RNF38: variants seen among roughly 807,000 people sequenced by gnomAD.
RNF38 encodes ring finger protein 38, also known as E3 ubiquitin-protein ligase RNF38.
RNF38 carries 15 observed loss-of-function variants against 67.2 expected under a neutral mutation model. The ratio of observed to expected loss-of-function variants is 0.22; its 90% CI spans 0.15 to 0.34. The LOEUF is 0.34. RNF38 is among the 10% of genes least tolerant of loss of function. RNF38 has a pLI of 1.00. For missense variants in RNF38, 524 were observed against 639.9 expected, an observed-to-expected ratio of 0.82 and a Z score of 1.95; for synonymous variants, 220 against 218.8, an observed-to-expected ratio of 1.01 and a Z score of -0.05.
chr9:36,393,729 TCCTGGGTGAG>T (rs1224409725), intron 1 of RNF38, among the ~76,000 whole-genome samples: 1 of 152,128 alleles, frequency 6.6e-6, no homozygotes, highest in African/African-American at 2.4e-5. Flanking sequence ...AGACAGATTA[TCCTGGGTGAG>T]CCTGGGCATG....
At chr9:36,394,556 T>C (rs1490128567) in intron 1 of RNF38, among the ~76,000 whole-genome samples, 1 of 152,196 alleles carries the variant, frequency 6.6e-6, no homozygotes, top group East Asian at 1.9e-4. Context: ...ATTTAAGCAG[T>C]ATAGCAGGTT....
At chr9:36,369,957 T>C in intron 3 of RNF38, 25 bp from the exon 4 acceptor site, 5 of 1,571,804 alleles carry the variant, frequency 3.2e-6, no homozygotes, top group Non-Finnish European at 4.4e-6. Context: ...AAAAAGAAAG[T>C]CATTATGCTT....
At chr9:36,482,005 T>C (rs1564080075) in intron 1 of RNF38, among the ~76,000 whole-genome samples, 1 of 151,400 alleles carries the variant, frequency 6.6e-6, no homozygotes, top group Non-Finnish European at 1.5e-5. Flanking sequence ...ATGTGGCACA[T>C]AGGTACTATA....
At chr9:36,445,512 T>G (rs1164812892) in intron 1 of RNF38, among the ~76,000 whole-genome samples, 1 of 152,224 alleles carries the variant, frequency 6.6e-6, no homozygotes, top group East Asian at 1.9e-4. Flanking sequence ...CTGGTCACCA[T>G]ATGTATGAAA....
intron 2 of RNF38, among the ~76,000 whole-genome samples, chr9:36,385,969 A>G (rs1836598569): frequency 6.6e-6 from 1 of 152,196 alleles, no homozygotes; most frequent in East Asian, 1.9e-4. Context: ...AGCCTTCTAC[A>G]ACCAGCAGGA....
At chr9:36,367,660 AT>A (rs1413739531) in intron 4 of RNF38, among the ~76,000 whole-genome samples, 1 of 152,114 alleles carries the variant, frequency 6.6e-6, no homozygotes, top group Non-Finnish European at 1.5e-5. Flanking sequence ...GCTATGGTTT[AT>A]TATTTAAAAC....
In RNF38 at chr9:36,479,498, G is replaced by A. The variant is rs539045107; in HGVS notation, n.241+7810C>T. ...AGAAGCAGGGCTTATCTTGGCAGAT[G>A]GGCACAATCACCATGCCCAGAAGAC... is the stretch of plus-strand genomic sequence containing the variant. On this transcript the variant is annotated intron_variant and non_coding_transcript_variant, in intron 1 of 3. Coordinates refer to the RNF38 transcript ENST00000488058. Among the ~76,000 whole-genome samples, 9 of 152,282 alleles carry A rather than the reference G, an allele frequency of 5.9e-5. No individual in the cohort carries two copies. The South Asian group carries it at 1.9e-3, about 32-fold the overall frequency.
chr9:36,442,744 A>C (rs1839220898), intron 1 of RNF38, among the ~76,000 whole-genome samples: 1 of 152,224 alleles, frequency 6.6e-6, no homozygotes, highest in South Asian at 2.1e-4. Flanking sequence ...GTGCTATTGC[A>C]CTCTAGCCTG....
chr9:36,462,395 C>G (rs1257022990), intron 1 of RNF38, among the ~76,000 whole-genome samples: 1 of 152,166 alleles, frequency 6.6e-6, no homozygotes, highest in Non-Finnish European at 1.5e-5. Context: ...ACAACCCATT[C>G]TCAGCACAGC....
rs559616301 is a variant in RNF38, at chr9:36,438,657, C to G, written n.242-13974G>C. Reference sequence around the variant, plus strand: ...AGCTTCACGGTGCTGAACAAAAGACCTAGATAGGTTAGCACACTCAGGCAT... The same window carrying G: ...AGCTTCACGGTGCTGAACAAAAGACGTAGATAGGTTAGCACACTCAGGCAT... On this transcript the variant is annotated intron_variant and non_coding_transcript_variant, in intron 1 of 3. Coordinates refer to the RNF38 transcript ENST00000488058. 2.0e-5 allele frequency among the ~76,000 whole-genome samples: 3 copies of G among 152,096 alleles called. No individual in the cohort carries two copies. In the South Asian group the frequency reaches 6.2e-4, roughly 32 times the overall value.
At chr9:36,350,679 C>T (rs1833626851) in intron 9 of RNF38, among the ~76,000 whole-genome samples, 1 of 152,196 alleles carries the variant, frequency 6.6e-6, no homozygotes, top group Admixed American at 6.5e-5. Flanking sequence ...TGGAATTGTA[C>T]GTAATTCTAA....
intron 2 of RNF38, among the ~76,000 whole-genome samples, chr9:36,413,482 C>T (rs925908903): frequency 1.3e-5 from 2 of 152,130 alleles, no homozygotes; most frequent in Non-Finnish European, 2.9e-5. Context: ...AGAAGCCAGA[C>T]ACAAAAGGCT....
At chr9:36,483,923 G>A (rs551555363) in intron 1 of RNF38, among the ~76,000 whole-genome samples, 1 of 152,268 alleles carries the variant, frequency 6.6e-6, no homozygotes, top group African/African-American at 2.4e-5. Context: ...TCAGAGGAAT[G>A]GACAACCTAG....
chr9:36,400,348 G>C (rs749407521), upstream of RNF38: 24 of 1,232,088 alleles, frequency 1.9e-5, no homozygotes, highest in Non-Finnish European at 2.3e-5. Flanking sequence ...AAAAAGGGAG[G>C]GAGCGAGAGA....
At position 36,437,195 on chromosome 9, in the gene RNF38, T is replaced by G. The variant is rs1839090865; in HGVS notation, n.242-12512A>C. On this transcript the variant is annotated intron_variant and non_coding_transcript_variant, in intron 1 of 3. Coordinates refer to the RNF38 transcript ENST00000488058. ...CAGGGAGAGAATTCATGTGTCAATCTTACTATCAAAGATGCCCCTCCCCAA... is the reference window on the plus strand; with the variant it reads ...CAGGGAGAGAATTCATGTGTCAATCGTACTATCAAAGATGCCCCTCCCCAA... Among the ~76,000 whole-genome samples, 3 of 152,216 alleles carry G rather than the reference T, an allele frequency of 2.0e-5. No homozygotes were observed. In the South Asian group the frequency reaches 6.2e-4, roughly 32 times the overall value.
At chr9:36,363,507 C>T (rs1834716662) in intron 4 of RNF38, among the ~76,000 whole-genome samples, 1 of 100,760 alleles carries the variant, frequency 9.9e-6, no homozygotes, top group East Asian at 2.6e-4. Context: ...CATTTGGTCA[C>T]CCAACTGTCC....
chr9:36,480,321 C>T (rs900772657), intron 1 of RNF38, among the ~76,000 whole-genome samples: 2 of 152,022 alleles, frequency 1.3e-5, no homozygotes, highest in Admixed American at 1.3e-4. Flanking sequence ...TTACTTTCTG[C>T]CTACTCTACT....
chr9:36,478,043 A>ATAACAG (rs71494627), intron 1 of RNF38, among the ~76,000 whole-genome samples: 1 of 150,042 alleles, frequency 6.7e-6, no homozygotes, highest in Non-Finnish European at 1.5e-5. Context: ...TGAGATACCA[A>ATAACAG]GTAATACAGT....
intron 9 of RNF38, among the ~76,000 whole-genome samples, chr9:36,350,602 T>C (rs982355550): frequency 2.6e-5 from 4 of 152,244 alleles, no homozygotes; most frequent in South Asian, 2.1e-4. Context: ...CTCAAACATT[T>C]TGGCTTCCAC....
Sources: allele counts gnomAD v4.1 joint callset (sites outside exome capture counted in the v4.1 genomes callset), GRCh38; gene constraint gnomAD v4.1.1; transcripts MANE v1.5; gene names NCBI Gene and HGNC (gene_info 2026-07-23, HGNC 2026-07-21).